SCN9A: variants seen among roughly 807,000 people sequenced by gnomAD.
SCN9A encodes sodium voltage-gated channel alpha subunit 9.
Under a neutral mutation model 187.0 loss-of-function variants are expected in SCN9A, and 131 were observed. The ratio of observed to expected loss-of-function variants is 0.70; its 90% confidence interval spans 0.61 to 0.81. The LOEUF (loss-of-function observed/expected upper bound fraction) is 0.81, where lower values mean the gene tolerates loss of function less well. SCN9A is among the 30% of genes least tolerant of loss of function. The pLI is 0.00. For missense variants in SCN9A, 2,252 were observed against 2,396.6 expected, an observed-to-expected ratio of 0.94 and a Z score of 1.26; for synonymous variants, 809 against 808.6, an observed-to-expected ratio of 1.00 and a Z score of -0.01.
chr2:166,296,528 A>T (rs1217222044), intron 7 of SCN9A, among the ~76,000 whole-genome samples: 1 of 152,238 alleles, frequency 6.6e-6, no homozygotes, highest in Non-Finnish European at 1.5e-5. Context: ...AATTTTGCAT[A>T]CATAAACATC....
chr2:166,307,597 C>T (rs1413948851), intron 2 of SCN9A, among the ~76,000 whole-genome samples: 1 of 152,110 alleles, frequency 6.6e-6, no homozygotes, highest in African/African-American at 2.4e-5. Flanking sequence ...AGAATCCTTC[C>T]AATCACTGAG....
At chr2:166,273,399 G>T (rs4290674) in intron 16 of SCN9A, among the ~76,000 whole-genome samples, 3,833 of 152,184 alleles carry the variant, frequency 0.025, 174 homozygotes, top group African/African-American at 0.087. Flanking sequence ...CAAAGTTCCT[G>T]TAATAAAATA....
At position 166,258,034 on chromosome 2, in the gene SCN9A, A is replaced by G. The variant is rs904975846; in HGVS notation, c.3352-6149T>C. On this transcript the variant is annotated intron_variant, in intron 17 of 26. Transcript: ENST00000642356. The stretch of plus-strand genomic sequence containing the variant: ...CTAAGGTGTGTCAATTTCAGGATAA[A>G]GTTTTGCTTTCATCATTGCACAATA... Among the ~76,000 whole-genome samples, 3 of 151,502 alleles carry G rather than the reference A, an allele frequency of 2.0e-5. No homozygotes were observed. The Admixed American group carries it at 2.0e-4, about 10-fold the overall frequency.
chr2:166,333,999 C>G (rs1416570117), intron 1 of SCN9A, among the ~76,000 whole-genome samples: 1 of 152,050 alleles, frequency 6.6e-6, no homozygotes, highest in East Asian at 1.9e-4. Context: ...AATGTTTACT[C>G]TTCTTTCAAA....
intron 17 of SCN9A, among the ~76,000 whole-genome samples, chr2:166,262,298 T>C (rs543348641): frequency 2.0e-5 from 3 of 152,122 alleles, no homozygotes; most frequent in South Asian, 2.1e-4. Context: ...CATTTAATAC[T>C]GAATAAATGG....
rs201834683 is a variant in SCN9A at position 166,218,432 on chromosome 2, T to A, written c.4398+8135A>T. 9.8e-5 allele frequency among the ~76,000 whole-genome samples: 14 copies of A among 143,038 alleles called. No individual in the cohort carries two copies. In the Admixed American group the frequency reaches 1.4e-3, roughly 14 times the overall value. The allele number at this position is 143,038 out of a possible 152,430, so 93.8% of individuals were successfully genotyped here. A position where few individuals can be genotyped will look rare whatever the true frequency, so the allele number is the denominator to read the frequency against. ...AATAAAAAAATAAATAAATAAAAAA[T>A]AAAAAAGTGAGAAGTCAACATTACA... On this transcript the variant is annotated intron_variant, in intron 24 of 26. Transcript: ENST00000642356.
chr2:166,254,056 C>T (rs777220146), intron 17 of SCN9A, among the ~76,000 whole-genome samples: 23 of 151,370 alleles, frequency 1.5e-4, no homozygotes, highest in East Asian at 2.0e-4. Flanking sequence ...TAAAAATTCA[C>T]GTGATTTTAT....
chr2:166,281,898 T>G, intron 12 of SCN9A, 90 bp from the exon 13 acceptor site: 1 of 1,176,284 alleles, frequency 8.5e-7, no homozygotes, highest in Non-Finnish European at 1.2e-6. Flanking sequence ...CTGTAGTGAG[T>G]AATTAAAAGT....
At chr2:166,344,130 T>C (rs2105287068) in intron 1 of SCN9A, among the ~76,000 whole-genome samples, 1 of 152,198 alleles carries the variant, frequency 6.6e-6, no homozygotes, top group East Asian at 1.9e-4. Context: ...TCCAATCAAC[T>C]AAACTAAACT....
chr2:166,315,936 T>C (rs957538071), intron 1 of SCN9A, among the ~76,000 whole-genome samples: 1 of 152,148 alleles, frequency 6.6e-6, no homozygotes, highest in Non-Finnish European at 1.5e-5. Context: ...AATATTTAAA[T>C]GGAAAAATAA....
intron 24 of SCN9A, among the ~76,000 whole-genome samples, chr2:166,207,029 A>G (rs1463764354): frequency 6.6e-6 from 1 of 152,178 alleles, no homozygotes; most frequent in Non-Finnish European, 1.5e-5. Flanking sequence ...AAAAGCCTAA[A>G]TCTTACAAAG....
At chr2:166,249,567 C>T (rs889014573) in intron 18 of SCN9A, among the ~76,000 whole-genome samples, 3 of 152,014 alleles carry the variant, frequency 2.0e-5, no homozygotes, top group Non-Finnish European at 4.4e-5. Context: ...CAGTAAATTT[C>T]AATGGTCCAA....
At chr2:166,360,143 C>G (rs1700242966) in intron 1 of SCN9A, among the ~76,000 whole-genome samples, 1 of 141,364 alleles carries the variant, frequency 7.1e-6, no homozygotes, top group African/African-American at 2.7e-5. Context: ...ACTGCTTGAA[C>G]CCGGGAGGTG....
chr2:166,224,902 A>T (rs1025234671), intron 24 of SCN9A, among the ~76,000 whole-genome samples: 1 of 152,186 alleles, frequency 6.6e-6, no homozygotes, highest in African/African-American at 2.4e-5. Context: ...AAATGAGGAT[A>T]CTATGTCTTT....
chr2:166,228,756 G>C lies in SCN9A; in HGVS notation c.4141C>G (p.Arg1381Gly). The C allele has an allele frequency of 1.9e-6, 3 of 1,613,674 alleles. No homozygotes were observed. The South Asian group carries it at 3.3e-5, about 18-fold the overall frequency. The change falls in exon 22 of 27, where the codon CGA (arginine) becomes GGA (glycine). Residue 1381 changes from arginine to glycine, a missense_variant. Physicochemically the swap from Arg to Gly is moderately radical, Grantham distance 125. This residue lies in a region of SCN9A where 368 missense variants were observed against 408.6 expected (regional missense o/e 0.90). Transcript: ENST00000642356. ...AAGTTCACTTTCAGGTTTTTCCATC[G>C]CACATTTTGACTAACATTCATAAGG... is the stretch of plus-strand genomic sequence containing the variant. ...FALMNVSQNV[R>G]WKNLKVNFDN... is the part of the protein sequence containing the mutation.
chr2:166,302,691 C>T (rs967062766), intron 7 of SCN9A: 1 of 149,048 alleles, frequency 6.7e-6, no homozygotes, highest in Admixed American at 6.7e-5. Flanking sequence ...AAAAATCTAT[C>T]ATAATAAATA....
Position 166,311,676 on chromosome 2 carries a change from A to T in SCN9A, c.81T>A (p.Ile27=). 6.2e-7 allele frequency: 1 copy of T among 1,613,314 alleles called. No homozygotes were observed. Among genetic ancestry groups the T allele is most frequent in the Non-Finnish European group, 8.5e-7 (1 of 1,179,672 alleles). Residue 27 remains isoleucine, a synonymous_variant, in exon 2 of 27, where the codon ATT becomes ATA. Coordinates refer to ENST00000642356, the MANE Select transcript of SCN9A (RefSeq NM_001365536.1). The part of the protein sequence containing the change: ...KQSLALIEQR[I]AERKSKEPKE... Reference sequence around the variant, plus strand: ...TGGGTTCCTTTGATTTTCTTTCAGCAATGCGTTGTTCAATGAGGGCAAGAG... The same window carrying T: ...TGGGTTCCTTTGATTTTCTTTCAGCTATGCGTTGTTCAATGAGGGCAAGAG...
At chr2:166,331,248 A>G (rs1305039270) in intron 1 of SCN9A, among the ~76,000 whole-genome samples, 1 of 152,166 alleles carries the variant, frequency 6.6e-6, no homozygotes, top group East Asian at 1.9e-4. Context: ...GAGAAGATAG[A>G]AAAATTTAGT....
At chr2:166,361,094 G>A (rs1700273739) in intron 1 of SCN9A, among the ~76,000 whole-genome samples, 1 of 152,058 alleles carries the variant, frequency 6.6e-6, no homozygotes. Context: ...TTCTTATATA[G>A]CAAACCGGAG....
Sources: gnomAD v4.1 joint callset for allele counts (sites outside exome capture counted in the v4.1 genomes callset) on GRCh38, gnomAD v4.1.1 for gene constraint, gnomAD v4.1.1 regional missense constraint, MANE v1.5 for transcripts, NCBI Gene and HGNC (gene_info 2026-07-23, HGNC 2026-07-21) for gene names.